Variants in SUPT3H observed in about 807,000 individuals in gnomAD.
SUPT3H encodes SPT3 homolog, SAGA and STAGA complex component, also known as transcription initiation protein SPT3 homolog.
SUPT3H carries 44 observed loss-of-function variants against 44.3 expected under a neutral mutation model. The observed-to-expected ratio is 0.99, with a 90% CI of 0.78 to 1.28. SUPT3H has a LOEUF of 1.28. SUPT3H is among the 50% of genes most tolerant of loss of function. SUPT3H has a pLI of 0.00. For missense variants in SUPT3H, 380 were observed against 387.1 expected (o/e 0.98, Z 0.15); for synonymous variants, 124 against 125.6 (o/e 0.99, Z 0.09).
intron 2 of SUPT3H, among the ~76,000 whole-genome samples, chr6:45,129,430 G>C (rs1803059551): frequency 6.6e-6 from 1 of 152,174 alleles, no homozygotes. Flanking sequence ...CAAATTTCTA[G>C]TTATGTGGTC....
rs904140553 is a variant in SUPT3H at position 44,980,779 on chromosome 6, TACAA to T, written c.505-18955_505-18952del. ...GAGGATTCTCTTCCTTCACATCACT[TACAA>T]ACATTTTTTTAAATGCAATTTATGT... On this transcript the variant is annotated intron_variant, in intron 6 of 10. Transcript: ENST00000371459. Among the ~76,000 whole-genome samples, 9 of 152,318 alleles carry T rather than the reference TACAA, an allele frequency of 5.9e-5. No individual in the cohort carries two copies. The East Asian group carries it at 1.7e-3, about 29-fold the overall frequency.
At chr6:44,901,227 G>A (rs561920195) in intron 10 of SUPT3H, among the ~76,000 whole-genome samples, 2 of 152,236 alleles carry the variant, frequency 1.3e-5, no homozygotes, top group South Asian at 2.1e-4. Context: ...ACTACTCCGA[G>A]CTAAAGGAGG....
At chr6:45,350,555 A>G (rs1327556176) in intron 2 of SUPT3H, among the ~76,000 whole-genome samples, 1 of 152,228 alleles carries the variant, frequency 6.6e-6, no homozygotes, top group Non-Finnish European at 1.5e-5. Flanking sequence ...GCTGAGTAAC[A>G]CTGCTTTAGA....
intron 6 of SUPT3H, among the ~76,000 whole-genome samples, chr6:44,999,647 A>ATC (rs777489124): frequency 3.8e-4 from 57 of 151,966 alleles, no homozygotes; most frequent in Non-Finnish European, 6.8e-4. Flanking sequence ...ATAAACTTAG[A>ATC]TATTTATTAA....
rs1179862963 is a variant in SUPT3H, at chr6:45,105,946, C to T, written c.162G>A (p.Val54=). 6.2e-7 allele frequency: 1 copy of T among 1,613,532 alleles called. No individual in the cohort carries two copies. Among genetic ancestry groups the T allele is most frequent in the Non-Finnish European group, 8.5e-7 (1 of 1,179,754 alleles). ...CCAGATTAATTAACTGAGTGTGTAC[C>T]ACATCTTCTACCAAAACTGCTGTTT... ...LHETAVLVED[V]VHTQLINLLQ... The change falls in exon 3 of 11, where the codon GTG becomes GTA. Residue 54 remains valine, a synonymous_variant. Coordinates refer to ENST00000371459, the MANE Select transcript of SUPT3H (RefSeq NM_003599.4).
intron 9 of SUPT3H, among the ~76,000 whole-genome samples, chr6:44,937,587 C>T (rs1237705807): frequency 6.6e-6 from 1 of 151,964 alleles, no homozygotes; most frequent in Non-Finnish European, 1.5e-5. Context: ...ATATCCTCAC[C>T]AACATGTTAT....
chr6:45,229,989 C>T (rs1247477953), intron 2 of SUPT3H, among the ~76,000 whole-genome samples: 4 of 152,130 alleles, frequency 2.6e-5, no homozygotes, highest in Admixed American at 6.5e-5. Flanking sequence ...CCCCCACCCT[C>T]CCAACTTACC....
chr6:44,951,430 G>A (rs1582707887), intron 9 of SUPT3H, among the ~76,000 whole-genome samples: 1 of 152,046 alleles, frequency 6.6e-6, no homozygotes, highest in Non-Finnish European at 1.5e-5. Flanking sequence ...TTGATGTACA[G>A]GCCCTTGATG....
At chr6:45,290,028 AAGTT>A (rs2149856526) in intron 2 of SUPT3H, among the ~76,000 whole-genome samples, 1 of 152,082 alleles carries the variant, frequency 6.6e-6, no homozygotes, top group East Asian at 1.9e-4. Flanking sequence ...AAATTTTAAA[AAGTT>A]AGTCAGGCGT....
At position 45,316,933 on chromosome 6, in the gene SUPT3H, A is replaced by G. The variant is rs185684318; in HGVS notation, c.101+48268T>C. Among the ~76,000 whole-genome samples the G allele has an allele frequency of 1.2e-4, 19 of 152,286 alleles. No homozygotes were observed. In the East Asian group the frequency reaches 3.3e-3, roughly 26 times the overall value. On this transcript the variant is annotated intron_variant, in intron 2 of 10. Coordinates refer to ENST00000371459, the MANE Select transcript of SUPT3H (RefSeq NM_003599.4). ...CTTTATGTATTGAAAGAATATTGTTAAGGCCAGGCACAGTGGCTCATGCCA... is the reference window on the plus strand; with the variant it reads ...CTTTATGTATTGAAAGAATATTGTTGAGGCCAGGCACAGTGGCTCATGCCA...
intron 2 of SUPT3H, chr6:45,328,081 T>C (rs1342386211): frequency 6.6e-6 from 2 of 303,462 alleles, no homozygotes; most frequent in Non-Finnish European, 1.3e-5. Flanking sequence ...TCTATCCAAA[T>C]CCTCATGAGT....
At chr6:44,946,518 C>G (rs987408627) in intron 9 of SUPT3H, among the ~76,000 whole-genome samples, 1 of 152,104 alleles carries the variant, frequency 6.6e-6, no homozygotes, top group African/African-American at 2.4e-5. Flanking sequence ...CTGATTCCAG[C>G]TATCACGAAT....
intron 4 of SUPT3H, among the ~76,000 whole-genome samples, chr6:45,015,789 A>G (rs139475491): frequency 6.8e-6 from 1 of 147,036 alleles, no homozygotes; most frequent in Non-Finnish European, 1.5e-5. Flanking sequence ...AGATGCACAC[A>G]CGCGCGCGCA....
At chr6:45,052,531 C>G (rs147241407) in intron 3 of SUPT3H, among the ~76,000 whole-genome samples, 7 of 152,128 alleles carry the variant, frequency 4.6e-5, no homozygotes, top group Non-Finnish European at 1.0e-4. Flanking sequence ...GTATTGACTG[C>G]GTTTCTCAGT....
chr6:45,256,349 G>A (rs1161647597), intron 2 of SUPT3H, among the ~76,000 whole-genome samples: 1 of 152,148 alleles, frequency 6.6e-6, no homozygotes, highest in Non-Finnish European at 1.5e-5. Flanking sequence ...CATTGATCTG[G>A]TGAGGGCCTA....
intron 6 of SUPT3H, among the ~76,000 whole-genome samples, chr6:44,963,891 C>T (rs1335679376): frequency 1.3e-5 from 2 of 149,242 alleles, no homozygotes; most frequent in Non-Finnish European, 3.0e-5. Context: ...CCCAGCTACT[C>T]GGAGGCTGAG....
chr6:45,353,959 AAAG>A (rs1792606658), intron 2 of SUPT3H, among the ~76,000 whole-genome samples: 1 of 152,160 alleles, frequency 6.6e-6, no homozygotes, highest in Non-Finnish European at 1.5e-5. Flanking sequence ...GACAAGCACA[AAAG>A]AAGAAATAAA....
At chr6:45,106,431 T>C (rs2153571553) in intron 2 of SUPT3H, among the ~76,000 whole-genome samples, 1 of 152,180 alleles carries the variant, frequency 6.6e-6, no homozygotes, top group African/African-American at 2.4e-5. Context: ...GACCCTGTTT[T>C]AAAAAAAGAC....
intron 10 of SUPT3H, among the ~76,000 whole-genome samples, chr6:44,909,854 C>T (rs1049387876): frequency 6.6e-6 from 1 of 152,134 alleles, no homozygotes; most frequent in Admixed American, 6.5e-5. Context: ...TGTTGGCAGG[C>T]TATCAAATTT....
Sources: gnomAD v4.1 joint callset for allele counts (sites outside exome capture counted in the v4.1 genomes callset) on GRCh38, gnomAD v4.1.1 for gene constraint, MANE v1.5 for transcripts, NCBI Gene and HGNC (gene_info 2026-07-23, HGNC 2026-07-21) for gene names.